The following PPME1 variants were observed in gnomAD, a reference collection of about 807,000 sequenced individuals.
PPME1 encodes testicular secretory protein Li 39.
Under a neutral mutation model 56.9 loss-of-function variants are expected in PPME1, and 17 were observed. The observed-to-expected ratio is 0.30, with a 90% CI of 0.20 to 0.45. PPME1 has a LOEUF of 0.45. Ranked by LOEUF, PPME1 falls within the 20% of genes least tolerant of loss-of-function variation. The pLI is 1.00. For synonymous variants in PPME1, 122 were observed against 156.2 expected, an observed-to-expected ratio of 0.78 and a Z score of 1.63; for missense variants, 357 against 483.2, an observed-to-expected ratio of 0.74 and a Z score of 2.45.
intron 1 of PPME1, among the ~76,000 whole-genome samples, chr11:74,180,987 A>G (rs572888856): frequency 3.4e-5 from 5 of 145,144 alleles, no homozygotes; most frequent in East Asian, 4.0e-4. Context: ...GCACTTAACA[A>G]TTGCCAAGTT....
chr11:74,242,498 A>G (rs1201912920), intron 9 of PPME1, among the ~76,000 whole-genome samples: 3 of 152,102 alleles, frequency 2.0e-5, no homozygotes, highest in African/African-American at 7.2e-5. Flanking sequence ...TATGTGCCAG[A>G]CCACGCTCCT....
chr11:74,246,967 G>T (rs1859519055), intron 10 of PPME1, 112 bp from the exon 11 acceptor site: 12 of 899,496 alleles, frequency 1.3e-5, no homozygotes, highest in Non-Finnish European at 1.8e-5. Context: ...TGGGAGTTAG[G>T]ATTGGTATAA....
chr11:74,233,659 A>G (rs1859122979), intron 7 of PPME1, among the ~76,000 whole-genome samples: 1 of 151,992 alleles, frequency 6.6e-6, no homozygotes, highest in Non-Finnish European at 1.5e-5. Context: ...CAAAAAATAT[A>G]TATATTTTTT....
At chr11:74,226,317 A>G (rs934814746) in intron 5 of PPME1, among the ~76,000 whole-genome samples, 1 of 152,204 alleles carries the variant, frequency 6.6e-6, no homozygotes, top group East Asian at 1.9e-4. Flanking sequence ...TATAGGTTGA[A>G]TAACTGTATG....
chr11:74,223,855 A>G (rs1166756672), intron 4 of PPME1, among the ~76,000 whole-genome samples: 1 of 148,826 alleles, frequency 6.7e-6, no homozygotes, highest in Non-Finnish European at 1.5e-5. Context: ...CCTTTGTCAG[A>G]TGAGTAAGTT....
In PPME1 at chr11:74,230,415, A is replaced by C. The variant is rs750630266; in HGVS notation, c.553+16A>C. 1.2e-6 allele frequency: 2 copies of C among 1,612,562 alleles called. No individual in the cohort carries two copies. The highest frequency in any genetic ancestry group is 2.2e-5 in the South Asian group (2 of 90,766). On this transcript the variant is annotated intron_variant, in intron 6 of 13. Transcript: ENST00000328257. This position sits in a 1 kb window ranked among gnomAD's most constrained non-coding sequence, Gnocchi z 4.9. Reference sequence around the variant, plus strand: ...GTTGTAGAAGGTGAGTTTTCTTAGCACTGACCAAATCAGGATTTCACTTAT... The same window carrying C: ...GTTGTAGAAGGTGAGTTTTCTTAGCCCTGACCAAATCAGGATTTCACTTAT...
chr11:74,238,969 A>T (rs748699072), intron 8 of PPME1, 164 bp from the exon 9 acceptor site: 2 of 686,298 alleles, frequency 2.9e-6, no homozygotes, highest in Non-Finnish European at 4.7e-6. Context: ...TACATTGGCC[A>T]TGATTTTCCA....
At chr11:74,245,481 T>C (rs1462607393) in intron 9 of PPME1, among the ~76,000 whole-genome samples, 1 of 152,196 alleles carries the variant, frequency 6.6e-6, no homozygotes, top group African/African-American at 2.4e-5. Flanking sequence ...ACAATAAAGA[T>C]TTAATAAATG....
intron 3 of PPME1, among the ~76,000 whole-genome samples, chr11:74,207,219 GA>G (rs1858351091): frequency 6.6e-6 from 1 of 152,188 alleles, no homozygotes; most frequent in Non-Finnish European, 1.5e-5. Context: ...TCATTTCACT[GA>G]AAGGATTTAA....
intron 1 of PPME1, among the ~76,000 whole-genome samples, chr11:74,175,092 G>C (rs1270751348): frequency 1.3e-5 from 2 of 152,162 alleles, no homozygotes; most frequent in Non-Finnish European, 2.9e-5. Flanking sequence ...TGCACCCCTG[G>C]TGTGCTTGAG....
chr11:74,198,915 C>A (rs942606184), intron 1 of PPME1: 4 of 152,198 alleles, frequency 2.6e-5, no homozygotes, highest in African/African-American at 4.8e-5. Context: ...AAATCACACA[C>A]ATACAAATAA....
intron 1 of PPME1, among the ~76,000 whole-genome samples, chr11:74,200,167 G>GTA (rs1394765504): frequency 6.6e-6 from 1 of 152,142 alleles, no homozygotes; most frequent in African/African-American, 2.4e-5. Context: ...TGACTATAAA[G>GTA]TATCTAGGCA....
intron 1 of PPME1, among the ~76,000 whole-genome samples, chr11:74,174,906 A>G (rs1346346537): frequency 6.6e-6 from 1 of 152,206 alleles, no homozygotes; most frequent in Non-Finnish European, 1.5e-5. Context: ...AGTCTCTAGA[A>G]TCCATTCACT....
chr11:74,202,806 T>C (rs1858205037), intron 1 of PPME1, among the ~76,000 whole-genome samples: 1 of 152,162 alleles, frequency 6.6e-6, no homozygotes, highest in Non-Finnish European at 1.5e-5. Context: ...TGAAAATTTT[T>C]CCTCTCATTT....
intron 1 of PPME1, among the ~76,000 whole-genome samples, chr11:74,183,419 T>C (rs1857591787): frequency 6.6e-6 from 1 of 152,174 alleles, no homozygotes; most frequent in Non-Finnish European, 1.5e-5. Flanking sequence ...CAGAAAACTA[T>C]ATTGGTCCAA....
intron 1 of PPME1, among the ~76,000 whole-genome samples, chr11:74,173,419 G>C (rs900262491): frequency 6.6e-6 from 1 of 151,946 alleles, no homozygotes; most frequent in African/African-American, 2.4e-5. Flanking sequence ...TCATCTTGGA[G>C]AAACAAGTTC....
chr11:74,217,560 A>G (rs1478262215), intron 3 of PPME1, among the ~76,000 whole-genome samples: 1 of 151,570 alleles, frequency 6.6e-6, no homozygotes, highest in Non-Finnish European at 1.5e-5. Flanking sequence ...AAAAAAAAAA[A>G]AAAGGAAAAA....
chr11:74,247,013 G>GT, intron 10 of PPME1, 66 bp from the exon 11 acceptor site: 1 of 1,344,118 alleles, frequency 7.4e-7, no homozygotes, highest in Non-Finnish European at 1.0e-6. Flanking sequence ...TTAAAACTTT[G>GT]TAACACTTTT....
chr11:74,246,243 G>A, intron 10 of PPME1, 38 bp downstream of exon 10: 1 of 1,504,864 alleles, frequency 6.6e-7, no homozygotes, highest in Non-Finnish European at 8.9e-7. Flanking sequence ...AGCTCAGGCT[G>A]CCATAACCAA....
Sources: allele counts gnomAD v4.1 joint callset (sites outside exome capture counted in the v4.1 genomes callset), GRCh38; gene constraint gnomAD v4.1.1; non-coding constraint Gnocchi (gnomAD v3.1); transcripts MANE v1.5; gene names NCBI Gene and HGNC (gene_info 2026-07-23, HGNC 2026-07-21).